The following AP1M1 variants were observed in gnomAD, a reference collection of about 807,000 sequenced individuals.
The protein encoded by AP1M1 is AP-1 complex subunit mu-1.
A neutral mutation model predicts 57.1 loss-of-function variants in AP1M1; 18 were observed. The observed-to-expected ratio is 0.32, with a 90% confidence interval of 0.22 to 0.47. AP1M1 has a LOEUF of 0.47. Ranked by LOEUF, AP1M1 falls within the 20% of genes least tolerant of loss-of-function variation. The probability of loss-of-function intolerance (pLI) is 1.00; values close to 1 mark genes in which losing one functional copy is unlikely to be tolerated. For missense variants in AP1M1, 362 were observed against 593.5 expected, an observed-to-expected ratio of 0.61 and a Z score of 4.05; for synonymous variants, 241 against 237.9, an observed-to-expected ratio of 1.01 and a Z score of -0.12.
intron 5 of AP1M1, among the ~76,000 whole-genome samples, chr19:16,223,251 C>T (rs1212931373): frequency 6.6e-6 from 1 of 152,140 alleles, no homozygotes; most frequent in Non-Finnish European, 1.5e-5. Context: ...CGTGCACTGC[C>T]CAGTGGTCAT....
At chr19:16,220,467 C>T (rs990242478) in intron 5 of AP1M1, among the ~76,000 whole-genome samples, 6 of 151,914 alleles carry the variant, frequency 3.9e-5, no homozygotes, top group African/African-American at 4.8e-5. Flanking sequence ...TACAGCTCAC[C>T]GCAACCTCTG....
Position 16,203,451 on chromosome 19 carries a change from C to A in AP1M1, c.43-8C>A. 6.2e-7 allele frequency: 1 copy of A among 1,614,172 alleles called. No homozygotes were observed. Among genetic ancestry groups the A allele is most frequent in the South Asian group, 1.1e-5 (1 of 91,082 alleles). On this transcript the variant is annotated splice_region_variant and splice_polypyrimidine_tract_variant and intron_variant, in intron 1 of 11. Coordinates refer to ENST00000291439, the MANE Select transcript of AP1M1 (RefSeq NM_032493.4). This position sits in a 1 kb window ranked among gnomAD's most constrained non-coding sequence, Gnocchi z 4.6. ...GCAAGCATCTTTTCTCTTCCTTCCC[C>A]ACCCCAGGTGCTCATCTGCCGGAAC...
At chr19:16,209,702 TAGAC>T (rs1441012751) in intron 5 of AP1M1, among the ~76,000 whole-genome samples, 2 of 152,182 alleles carry the variant, frequency 1.3e-5, no homozygotes, top group African/African-American at 2.4e-5. Flanking sequence ...CCTCATTCTG[TAGAC>T]AGACAGAAAC....
In AP1M1 at chr19:16,207,946, G is replaced by A. The variant is rs2091476196; in HGVS notation, c.268-73G>A. 2 of 1,536,828 alleles carry A rather than the reference G, an allele frequency of 1.3e-6. No homozygotes were observed. The highest frequency in any genetic ancestry group is 1.8e-6 in the Non-Finnish European group (2 of 1,134,542). ...TTAGCGGGCAAATGAATGTGTGCAA[G>A]CGTTCATTCATTCCTCATCCGTCCG... On this transcript the variant is annotated intron_variant, in intron 3 of 11. Coordinates refer to ENST00000291439, the MANE Select transcript of AP1M1 (RefSeq NM_032493.4). This position sits in a 1 kb window ranked among gnomAD's most constrained non-coding sequence, Gnocchi z 4.2.
At chr19:16,217,238 G>A (rs907251124) in intron 5 of AP1M1, among the ~76,000 whole-genome samples, 4 of 152,150 alleles carry the variant, frequency 2.6e-5, no homozygotes, top group Admixed American at 6.6e-5. Flanking sequence ...GTGGGGAACT[G>A]GGAGGGGTGG....
rs1434290952 is a variant in AP1M1 at position 16,237,984 on chromosome 19, A to G, written c.*3549A>G. ...CTCTTGAGGAGCTGGGACTACAAGC[A>G]CATGCCACCATGCTGGGCCAATTTT... On this transcript the variant is annotated 3_prime_UTR_variant, in exon 12 of 12. Coordinates refer to ENST00000291439, the MANE Select transcript of AP1M1 (RefSeq NM_032493.4). The G allele has an allele frequency of 6.6e-6, 1 of 152,052 alleles. No individual in the cohort carries two copies. Among genetic ancestry groups the G allele is most frequent in the Non-Finnish European group, 1.5e-5 (1 of 68,024 alleles). 9.4% of individuals were successfully genotyped at this position (152,052 alleles called of 1,614,324 possible). A position where few individuals can be genotyped will look rare whatever the true frequency, so the allele number is the denominator to read the frequency against.
Position 16,237,922 on chromosome 19 carries a change from GC to G in AP1M1, c.*3489del. On this transcript the variant is annotated 3_prime_UTR_variant, in exon 12 of 12. Coordinates refer to ENST00000291439, the MANE Select transcript of AP1M1 (RefSeq NM_032493.4). ...AGTGGCGTGATCACGGCTCACTGCA[GC>G]CTCGAGCTGCCAGGCTCAGCCAATC... The G allele has an allele frequency of 6.6e-6, 1 of 151,850 alleles. No individual in the cohort carries two copies. The highest frequency in any genetic ancestry group is 1.5e-5 in the Non-Finnish European group (1 of 67,986). The allele number at this position is 151,850 out of a possible 1,614,324, so 9.4% of individuals were successfully genotyped here. A position where few individuals can be genotyped will look rare whatever the true frequency, so the allele number is the denominator to read the frequency against.
intron 5 of AP1M1, among the ~76,000 whole-genome samples, chr19:16,223,587 TGGG>T (rs1437426590): frequency 2.6e-5 from 4 of 152,046 alleles, no homozygotes; most frequent in African/African-American, 9.7e-5. Flanking sequence ...ACAGGGGAGA[TGGG>T]GGGCTTCTGT....
chr19:16,231,799 AAG>A (rs2091599984), intron 9 of AP1M1, among the ~76,000 whole-genome samples: 2 of 152,172 alleles, frequency 1.3e-5, no homozygotes, highest in African/African-American at 4.8e-5. Context: ...GTATCCCCAG[AAG>A]TGGAATTGCT....
Position 16,226,466 on chromosome 19 carries a change from A to G in AP1M1, c.592A>G (p.Ile198Val). 1 of 1,577,862 alleles carries G rather than the reference A, an allele frequency of 6.3e-7. No homozygotes were observed. The highest frequency in any genetic ancestry group is 8.6e-7 in the Non-Finnish European group (1 of 1,162,670). Residue 198 changes from isoleucine to valine, a missense_variant, in exon 6 of 12, where the codon ATC (isoleucine) becomes GTC (valine). Coordinates refer to ENST00000291439, the MANE Select transcript of AP1M1 (RefSeq NM_032493.4). ...NVLRSEIVGSIKMRVFLSGMP... is the reference protein window; with the variant it reads ...NVLRSEIVGSVKMRVFLSGMP... ...CCTGCGCAGCGAGATCGTGGGCTCC[A>G]TCAAGATGCGAGTCTTCCTCTCGGG...
intron 9 of AP1M1, among the ~76,000 whole-genome samples, chr19:16,229,432 G>A (rs529616107): frequency 6.6e-6 from 1 of 152,350 alleles, no homozygotes; most frequent in East Asian, 1.9e-4. Flanking sequence ...ACATGTTAAG[G>A]ATTCTGAGGA....
chr19:16,232,252 G>C (rs1183433432), intron 9 of AP1M1, among the ~76,000 whole-genome samples: 1 of 152,204 alleles, frequency 6.6e-6, no homozygotes, highest in Non-Finnish European at 1.5e-5. Flanking sequence ...CCTACCCGGG[G>C]AGCCCTTCTC....
In AP1M1 at chr19:16,206,555, GTCCCAAC is replaced by G; in HGVS notation, c.267+152_267+158del. Reference sequence around the variant, plus strand: ...GAAGCCCAGGAAGTGGGAAAGGGGAGTCCCAACTCCCCACGCCTGTGGAATTCTATAG... The same window carrying G: ...GAAGCCCAGGAAGTGGGAAAGGGGAGTCCCCACGCCTGTGGAATTCTATAG... On this transcript the variant is annotated intron_variant, in intron 3 of 11. Coordinates refer to ENST00000291439, the MANE Select transcript of AP1M1 (RefSeq NM_032493.4). This position sits in a 1 kb window ranked among gnomAD's most constrained non-coding sequence, Gnocchi z 4.3. 1.3e-6 allele frequency: 1 copy of G among 780,460 alleles called. No individual in the cohort carries two copies. Among genetic ancestry groups the G allele is most frequent in the Non-Finnish European group, 2.1e-6 (1 of 466,136 alleles). 48.3% of individuals were successfully genotyped at this position (780,460 alleles called of 1,614,324 possible).
chr19:16,201,388 CTTTTTTTTTTTTT>C (rs57467734), intron 1 of AP1M1, among the ~76,000 whole-genome samples: 10 of 62,378 alleles, frequency 1.6e-4, no homozygotes, highest in African/African-American at 4.8e-4. Context: ...GGGAGGATTT[CTTTTTTTTTTTTT>C]TTTTTTTTTT....
At chr19:16,208,797 C>G in intron 4 of AP1M1, 1 of 479,914 alleles carries the variant, frequency 2.1e-6, no homozygotes, top group Non-Finnish European at 3.7e-6. Context: ...GCACTTCAGC[C>G]TCTATAACTT....
chr19:16,201,304 A>G (rs1482169607), intron 1 of AP1M1, among the ~76,000 whole-genome samples: 1 of 151,480 alleles, frequency 6.6e-6, no homozygotes, highest in Non-Finnish European at 1.5e-5. Context: ...TAAATGTTTA[A>G]TGCACCAGGT....
rs924855737 is a variant in AP1M1 at position 16,229,533 on chromosome 19, T to C, written c.1047+605T>C. Among the ~76,000 whole-genome samples, 6 of 152,162 alleles carry C rather than the reference T, an allele frequency of 3.9e-5. No individual in the cohort carries two copies. In the South Asian group the frequency reaches 6.2e-4, roughly 16 times the overall value. On this transcript the variant is annotated intron_variant, in intron 9 of 11. Transcript: ENST00000291439. The stretch of plus-strand genomic sequence containing the variant: ...GCTGAGCCGGGTGGCACTGACCTGC[T>C]CCACCAGGGGGGCTCAGGGCAGGCG...
At position 16,228,212 on chromosome 19, in the gene AP1M1, C is replaced by T. The variant is rs374713343; in HGVS notation, c.888+4C>T. 7 of 1,613,136 alleles carry T rather than the reference C, an allele frequency of 4.3e-6. No homozygotes were observed. The highest frequency in any genetic ancestry group is 1.7e-5 in the Admixed American group (1 of 60,008). ...CCGCATCGAGTACATGATCAAGGTG[C>T]GTGGGCCGAGGCCACCCACTGAGGG... is the stretch of plus-strand genomic sequence containing the variant. On this transcript the variant is annotated splice_donor_region_variant and intron_variant, in intron 8 of 11. Coordinates refer to ENST00000291439, the MANE Select transcript of AP1M1 (RefSeq NM_032493.4). This position sits in a 1 kb window ranked among gnomAD's most constrained non-coding sequence, Gnocchi z 5.0.
chr19:16,205,714 C>T (rs2091466738), intron 2 of AP1M1, among the ~76,000 whole-genome samples: 1 of 152,198 alleles, frequency 6.6e-6, no homozygotes. Flanking sequence ...ACACACTGAC[C>T]CTGGGAGGCA....
Sources: gnomAD v4.1 joint callset for allele counts (sites outside exome capture counted in the v4.1 genomes callset) on GRCh38, gnomAD v4.1.1 for gene constraint, Gnocchi (gnomAD v3.1) non-coding constraint, MANE v1.5 for transcripts, NCBI Gene and HGNC (gene_info 2026-07-23, HGNC 2026-07-21) for gene names.